THNSL1: variants seen among roughly 807,000 people sequenced by gnomAD.
THNSL1 encodes the protein threonine synthase-like 1.
A neutral mutation model predicts 50.4 loss-of-function variants in THNSL1; 48 were observed. That is an observed-to-expected ratio of 0.95 (90% CI 0.76 to 1.21). THNSL1 has a LOEUF of 1.21. THNSL1 is among the 50% of genes most tolerant of loss of function. THNSL1 has a pLI of 0.00. For missense variants in THNSL1, 896 were observed against 871.7 expected (o/e 1.03, Z -0.35); for synonymous variants, 309 against 306.1 (o/e 1.01, Z -0.10).
chr10:24,960,056 C>G, the THNSL1 span, among the ~76,000 whole-genome samples: 1 of 152,084 alleles, frequency 6.6e-6, no homozygotes, highest in East Asian at 1.9e-4. Context: ...CCCCCACCCC[C>G]TTTCCCATTT....
At chr10:24,976,140 C>T in the THNSL1 span, among the ~76,000 whole-genome samples, 1 of 152,110 alleles carries the variant, frequency 6.6e-6, no homozygotes, top group Non-Finnish European at 1.5e-5. Flanking sequence ...AACGACTGCT[C>T]CTAAGTACCT....
Position 25,024,750 on chromosome 10 carries a change from A to G in THNSL1, c.1527A>G (p.Gly509=). ...CAGTCGATGTCTGTATTCCCACAGG[A>G]AACTTTGGTAACATTTTAGCAGCAG... ...GSPVDVCIPT[G]NFGNILAAVY... is the part of the protein sequence containing the mutation. The change falls in exon 3 of 3, where the codon GGA becomes GGG. Residue 509 remains glycine (G), a synonymous_variant. Coordinates refer to ENST00000376356, the MANE Select transcript of THNSL1 (RefSeq NM_024838.5). 1 of 1,614,140 alleles carries G rather than the reference A, an allele frequency of 6.2e-7. No homozygotes were observed. Among genetic ancestry groups the G allele is most frequent in the Non-Finnish European group, 8.5e-7 (1 of 1,180,028 alleles).
chr10:24,966,932 G>A, the THNSL1 span, among the ~76,000 whole-genome samples: 2 of 152,194 alleles, frequency 1.3e-5, no homozygotes, highest in South Asian at 4.1e-4. Flanking sequence ...CTACAACAGA[G>A]AAGAAAATGT....
At chr10:24,966,684 G>T in the THNSL1 span, among the ~76,000 whole-genome samples, 2 of 152,152 alleles carry the variant, frequency 1.3e-5, no homozygotes, top group African/African-American at 4.8e-5. Flanking sequence ...AGGCATCTGA[G>T]TATATTCCTT....
Position 25,023,744 on chromosome 10 carries a change from T to C in THNSL1, c.521T>C (p.Val174Ala). ...RLKLMKTDRI[V>A]GQNSGTSMKD... is the part of the protein sequence containing the mutation. ...AAATTAATGAAGACAGATAGGATTGTAGGTCAGAATTCTGGAACATCTATG... is the reference window on the plus strand; with the variant it reads ...AAATTAATGAAGACAGATAGGATTGCAGGTCAGAATTCTGGAACATCTATG... Residue 174 changes from valine to alanine, a missense_variant, in exon 3 of 3, where the codon GTA becomes GCA. Physicochemically the swap from Val to Ala is moderately conservative, Grantham distance 64 (BLOSUM62 0). Transcript: ENST00000376356. 1 of 1,614,002 alleles carries C rather than the reference T, an allele frequency of 6.2e-7. No homozygotes were observed. Among genetic ancestry groups the C allele is most frequent in the Non-Finnish European group, 8.5e-7 (1 of 1,179,992 alleles).
the THNSL1 span, among the ~76,000 whole-genome samples, chr10:24,954,299 G>C: frequency 6.2e-4 from 95 of 152,248 alleles, no homozygotes; most frequent in African/African-American, 2.2e-3. Context: ...TACCTGCTGA[G>C]AGACACCAGA....
chr10:25,025,101 A>G lies in THNSL1; in HGVS notation c.1878A>G (p.Ala626=), dbSNP rs1564350903. ...GGTGCTCTGAGGGAGAGTGCCTAGC[A>G]GCTATTAACTCCACCTATAATACTT... is the stretch of plus-strand genomic sequence containing the variant. ...ADWCSEGECL[A]AINSTYNTSG... Residue 626 remains alanine, a synonymous_variant, in exon 3 of 3, where the codon GCA becomes GCG. Transcript: ENST00000376356. 2 of 1,614,206 alleles carry G rather than the reference A, an allele frequency of 1.2e-6. No homozygotes were observed. The highest frequency in any genetic ancestry group is 2.2e-5 in the East Asian group (1 of 44,884).
the THNSL1 span, among the ~76,000 whole-genome samples, chr10:24,974,502 A>G: frequency 6.6e-6 from 1 of 152,214 alleles, no homozygotes; most frequent in Non-Finnish European, 1.5e-5. Context: ...GATACTATTT[A>G]AATACATCTT....
the THNSL1 span, among the ~76,000 whole-genome samples, chr10:24,963,276 G>A: frequency 3.7e-4 from 57 of 152,132 alleles, no homozygotes; most frequent in South Asian, 1.9e-3. Flanking sequence ...ACCTTTCACC[G>A]TGTTAGTCAA....
the THNSL1 span, among the ~76,000 whole-genome samples, chr10:24,987,065 C>T: frequency 6.6e-6 from 1 of 152,180 alleles, no homozygotes; most frequent in African/African-American, 2.4e-5. Flanking sequence ...GCCCTCTGGC[C>T]TGAGTTCAGC....
the THNSL1 span, among the ~76,000 whole-genome samples, chr10:24,997,320 G>C: frequency 6.6e-6 from 1 of 151,240 alleles, no homozygotes; most frequent in Non-Finnish European, 1.5e-5. Flanking sequence ...CTCCAGAACT[G>C]TCCTCCAGAA....
chr10:24,986,813 G>GT, the THNSL1 span, among the ~76,000 whole-genome samples: 1 of 152,086 alleles, frequency 6.6e-6, no homozygotes, highest in Admixed American at 6.6e-5. Context: ...ACTTTAAGAG[G>GT]TTTTTTCATT....
chr10:25,016,924 T>A (rs114231629), intron 1 of THNSL1: 1 of 152,468 alleles, frequency 6.6e-6, no homozygotes, highest in African/African-American at 2.4e-5. Flanking sequence ...TCCTGCTGCT[T>A]CTGGTCGAGG....
chr10:25,016,095 A>G, upstream of THNSL1: 1 of 1,324,160 alleles, frequency 7.6e-7, no homozygotes, highest in Non-Finnish European at 9.7e-7. Context: ...ACCCCCTCTT[A>G]GCAGTCCTCT....
chr10:24,966,968 G>A, the THNSL1 span, among the ~76,000 whole-genome samples: 1 of 152,024 alleles, frequency 6.6e-6, no homozygotes, highest in African/African-American at 2.4e-5. Flanking sequence ...TCACTTTATT[G>A]GCTATTCATG....
chr10:24,995,747 C>G, the THNSL1 span: 1 of 1,613,996 alleles, frequency 6.2e-7, no homozygotes, highest in Non-Finnish European at 8.5e-7. Flanking sequence ...TTAGCCACTC[C>G]CATGATGATA....
intron 2 of THNSL1, 36 bp downstream of exon 2, chr10:25,021,944 A>T (rs1176309149): frequency 6.6e-6 from 1 of 152,202 alleles, no homozygotes; most frequent in Non-Finnish European, 1.5e-5. Flanking sequence ...AAATCATTTA[A>T]ATGTTTAATT....
the THNSL1 span, among the ~76,000 whole-genome samples, chr10:24,956,461 AT>A: frequency 4.2e-4 from 44 of 105,214 alleles, no homozygotes; most frequent in African/African-American, 1.8e-3. Flanking sequence ...TCTGCATTTT[AT>A]TTATTTTTTT....
the THNSL1 span, chr10:24,952,464 AC>A: frequency 1.3e-6 from 2 of 1,507,136 alleles, no homozygotes; most frequent in African/African-American, 1.4e-5. The surrounding 1 kb of genome is among the most constrained non-coding windows in gnomAD (Gnocchi z 5.1). Flanking sequence ...CATTTAATCT[AC>A]AAGCAGGGTG....
Sources: allele counts gnomAD v4.1 joint callset (sites outside exome capture counted in the v4.1 genomes callset), GRCh38; gene constraint gnomAD v4.1.1; non-coding constraint Gnocchi (gnomAD v3.1); transcripts MANE v1.5; gene names NCBI Gene and HGNC (gene_info 2026-07-23, HGNC 2026-07-21).